The following THSD7B variants were observed in gnomAD, a reference collection of about 807,000 sequenced individuals.
The protein encoded by THSD7B is thrombospondin type-1 domain-containing protein 7B.
A neutral mutation model predicts 213.6 loss-of-function variants in THSD7B; 138 were observed. The observed-to-expected ratio is 0.65, with a 90% confidence interval of 0.56 to 0.74. THSD7B has a LOEUF of 0.74. Among genes scored for constraint, THSD7B ranks in the 30% least tolerant of loss-of-function variants. THSD7B has a pLI of 0.00. For synonymous variants in THSD7B, 742 were observed against 687.0 expected (o/e 1.08, Z -1.25); for missense variants, 1,931 against 1,991.5 (o/e 0.97, Z 0.58).
rs189330148 is a variant in THSD7B, at chr2:137,058,610, A to G, written c.950+1380A>G. On this transcript the variant is annotated intron_variant, in intron 3 of 27. Transcript: ENST00000409968. The stretch of plus-strand genomic sequence containing the variant: ...ATAGTTTCATAAACAAACATTTCAT[A>G]GTTACATACACAAACATTGAGTGCA... Among the ~76,000 whole-genome samples, 23 of 152,304 alleles carry G rather than the reference A, an allele frequency of 1.5e-4. No individual in the cohort carries two copies. In the East Asian group the frequency reaches 4.2e-3, roughly 28 times the overall value.
Position 137,026,993 on chromosome 2 carries a change from T to C in THSD7B, c.140-29427T>C, listed in dbSNP as rs545903649. On this transcript the variant is annotated intron_variant, in intron 2 of 27. Coordinates refer to ENST00000409968, the MANE Select transcript of THSD7B (RefSeq NM_001316349.2). Reference sequence around the variant, plus strand: ...TTCTTGAGCTATGGGTTCAGTTTGGTGTTTGGTAAGCCTTTCCCATTATTG... The same window carrying C: ...TTCTTGAGCTATGGGTTCAGTTTGGCGTTTGGTAAGCCTTTCCCATTATTG... Among the ~76,000 whole-genome samples, 38 of 152,264 alleles carry C rather than the reference T, an allele frequency of 2.5e-4. No individual in the cohort carries two copies. The East Asian group carries it at 7.1e-3, about 29-fold the overall frequency.
At chr2:137,245,808 G>A (rs1682018344) in intron 10 of THSD7B, among the ~76,000 whole-genome samples, 1 of 152,168 alleles carries the variant, frequency 6.6e-6, no homozygotes, top group Non-Finnish European at 1.5e-5. Flanking sequence ...TTGTGTCCTT[G>A]AGAGTGTCCT....
At chr2:137,576,822 C>G (rs1228126499) in intron 17 of THSD7B, among the ~76,000 whole-genome samples, 1 of 140,902 alleles carries the variant, frequency 7.1e-6, no homozygotes, top group Non-Finnish European at 1.5e-5. Flanking sequence ...TAATGGTGCT[C>G]CAGTGTTATT....
chr2:136,778,895 T>A (rs1681663943), intron 1 of THSD7B, among the ~76,000 whole-genome samples: 1 of 152,110 alleles, frequency 6.6e-6, no homozygotes, highest in Admixed American at 6.5e-5. Flanking sequence ...AAGGGAGGAA[T>A]TTGGGCACTG....
intron 17 of THSD7B, among the ~76,000 whole-genome samples, chr2:137,595,414 C>T (rs138991077): frequency 1.9e-4 from 29 of 151,988 alleles, no homozygotes; most frequent in African/African-American, 6.5e-4. Flanking sequence ...ATTTATAGCA[C>T]GTGGCTAATT....
intron 3 of THSD7B, among the ~76,000 whole-genome samples, chr2:137,093,940 T>G (rs141833916): frequency 2.0e-4 from 31 of 152,288 alleles, no homozygotes; most frequent in Admixed American, 2.0e-3. Flanking sequence ...TTTTCCTAAT[T>G]AGACTGTTGG....
intron 20 of THSD7B, among the ~76,000 whole-genome samples, chr2:137,637,510 T>A (rs1249155845): frequency 1.3e-5 from 2 of 152,222 alleles, no homozygotes; most frequent in East Asian, 3.8e-4. Context: ...ATTTACTATA[T>A]GTTCCTTGGT....
intron 14 of THSD7B, among the ~76,000 whole-genome samples, chr2:137,437,111 C>T (rs935923): frequency 0.56 from 84,931 of 151,908 alleles, 26,817 homozygotes; most frequent in East Asian, 0.77. Flanking sequence ...TCTTTTTTCC[C>T]AGATCATCTT....
intron 4 of THSD7B, among the ~76,000 whole-genome samples, chr2:137,100,204 T>C (rs780542966): frequency 6.6e-6 from 1 of 152,112 alleles, no homozygotes; most frequent in Non-Finnish European, 1.5e-5. Context: ...GTAGATGAAA[T>C]CTTGGCGTGG....
chr2:136,922,989 T>C (rs1397465629), intron 2 of THSD7B, among the ~76,000 whole-genome samples: 2 of 152,194 alleles, frequency 1.3e-5, no homozygotes, highest in African/African-American at 4.8e-5. Flanking sequence ...TAATTTACTA[T>C]CTTAACTATT....
intron 20 of THSD7B, among the ~76,000 whole-genome samples, chr2:137,626,808 CACAATGCAACCAAG>C (rs1386468892): frequency 6.6e-6 from 1 of 152,176 alleles, no homozygotes; most frequent in East Asian, 1.9e-4. Flanking sequence ...GGGGCATGGC[CACAATGCAACCAAG>C]TTGCTTGCTA....
chr2:137,350,766 T>C (rs77235778), intron 12 of THSD7B, among the ~76,000 whole-genome samples: 5 of 151,596 alleles, frequency 3.3e-5, no homozygotes, highest in Non-Finnish European at 7.4e-5. Flanking sequence ...CTAGTGGAGA[T>C]GGGAAGAAGA....
At chr2:137,343,931 C>A (rs1323866657) in intron 12 of THSD7B, among the ~76,000 whole-genome samples, 1 of 151,718 alleles carries the variant, frequency 6.6e-6, no homozygotes, top group South Asian at 2.1e-4. Context: ...AAGCACTAAT[C>A]TCAAATACAC....
At chr2:136,985,204 A>G (rs188995381) in intron 2 of THSD7B, among the ~76,000 whole-genome samples, 1 of 152,322 alleles carries the variant, frequency 6.6e-6, no homozygotes, top group African/African-American at 2.4e-5. Flanking sequence ...TAGAGAGATT[A>G]GCAGGATTGG....
chr2:137,004,070 T>C (rs1376408060), intron 2 of THSD7B, among the ~76,000 whole-genome samples: 1 of 152,092 alleles, frequency 6.6e-6, no homozygotes, highest in East Asian at 1.9e-4. Flanking sequence ...TGCTTTAGGG[T>C]CTTATTGTGA....
intron 15 of THSD7B, among the ~76,000 whole-genome samples, chr2:137,495,724 G>C (rs970689255): frequency 6.6e-6 from 1 of 152,042 alleles, no homozygotes; most frequent in Non-Finnish European, 1.5e-5. Flanking sequence ...GCAGTGAGTG[G>C]TTACACAACA....
At chr2:137,063,508 C>G (rs1027840577) in intron 3 of THSD7B, among the ~76,000 whole-genome samples, 3 of 152,006 alleles carry the variant, frequency 2.0e-5, no homozygotes, top group African/African-American at 7.2e-5. Context: ...TCACCTCAAG[C>G]ATTTATCCTT....
intron 2 of THSD7B, among the ~76,000 whole-genome samples, chr2:136,909,916 G>T (rs1684229558): frequency 6.6e-6 from 1 of 152,114 alleles, no homozygotes; most frequent in East Asian, 1.9e-4. Flanking sequence ...GGCATAATGG[G>T]AGGGCATGCT....
At chr2:137,616,873 G>A (rs1481880725) in intron 18 of THSD7B, among the ~76,000 whole-genome samples, 1 of 152,156 alleles carries the variant, frequency 6.6e-6, no homozygotes, top group Non-Finnish European at 1.5e-5. Context: ...CAGAGGACTG[G>A]TATAGTTACA....
Sources: allele counts gnomAD v4.1 joint callset (sites outside exome capture counted in the v4.1 genomes callset), GRCh38; gene constraint gnomAD v4.1.1; transcripts MANE v1.5; gene names NCBI Gene and HGNC (gene_info 2026-07-23, HGNC 2026-07-21).